LRP1B: variants seen among roughly 807,000 people sequenced by gnomAD.
The protein encoded by LRP1B is LDL receptor related protein 1B.
LRP1B carries 217 observed loss-of-function variants against 556.6 expected under a neutral mutation model. That is an observed-to-expected ratio of 0.39 (90% confidence interval 0.35 to 0.44). The LOEUF (loss-of-function observed/expected upper bound fraction) is 0.44. Among genes scored for constraint, LRP1B ranks in the 20% least tolerant of loss-of-function variants. LRP1B has a pLI of 1.00. For synonymous variants in LRP1B, 2,047 were observed against 1,865.8 expected (o/e 1.10, Z -2.50); for missense variants, 5,053 against 5,620.8 (o/e 0.90, Z 3.23).
At chr2:140,285,316 TACAC>T (rs138851624) in intron 84 of LRP1B, among the ~76,000 whole-genome samples, 6,098 of 124,700 alleles carry the variant, frequency 0.049, 209 homozygotes, top group African/African-American at 0.1. Flanking sequence ...TATATATACA[TACAC>T]ACACATATAC....
chr2:141,090,160 T>C (rs893282611), intron 7 of LRP1B, among the ~76,000 whole-genome samples: 2 of 152,226 alleles, frequency 1.3e-5, no homozygotes, highest in Non-Finnish European at 2.9e-5. Flanking sequence ...TTGATTTGCA[T>C]ATACGTTTCA....
chr2:141,037,312 A>C (rs1192663995), intron 11 of LRP1B, among the ~76,000 whole-genome samples: 2 of 152,012 alleles, frequency 1.3e-5, no homozygotes, highest in Non-Finnish European at 2.9e-5. Context: ...ACACTAATAA[A>C]CTGACAATAA....
intron 7 of LRP1B, among the ~76,000 whole-genome samples, chr2:141,127,899 G>A (rs180748605): frequency 6.6e-6 from 1 of 152,240 alleles, no homozygotes; most frequent in East Asian, 1.9e-4. Flanking sequence ...TTCAAAGCAT[G>A]TCCCTTGACT....
At chr2:141,831,314 T>C (rs1697105232) in intron 1 of LRP1B, among the ~76,000 whole-genome samples, 1 of 151,768 alleles carries the variant, frequency 6.6e-6, no homozygotes, top group Non-Finnish European at 1.5e-5. Flanking sequence ...CAGATCTTTG[T>C]TGTAGACATA....
rs573207064 is a variant in LRP1B at position 141,487,083 on chromosome 2, T to G, written c.206-6550A>C. On this transcript the variant is annotated intron_variant, in intron 2 of 90. Coordinates refer to ENST00000389484, the MANE Select transcript of LRP1B (RefSeq NM_018557.3). ...CCTCACAGCGTTCCATGGACATGCTTGGACACATTTCACACATGCTTTTTC... is the reference window on the plus strand; with the variant it reads ...CCTCACAGCGTTCCATGGACATGCTGGGACACATTTCACACATGCTTTTTC... 3.3e-5 allele frequency among the ~76,000 whole-genome samples: 5 copies of G among 152,274 alleles called. No individual in the cohort carries two copies. In the South Asian group the frequency reaches 1.0e-3, roughly 32 times the overall value.
chr2:140,655,069 G>T (rs1408584556), intron 41 of LRP1B, among the ~76,000 whole-genome samples: 1 of 146,408 alleles, frequency 6.8e-6, no homozygotes, highest in Non-Finnish European at 1.5e-5. Flanking sequence ...CTAAAAATTG[G>T]AATATATGTG....
At chr2:140,818,585 C>T (rs1398482641) in intron 31 of LRP1B, among the ~76,000 whole-genome samples, 1 of 152,120 alleles carries the variant, frequency 6.6e-6, no homozygotes, top group African/African-American at 2.4e-5. Flanking sequence ...CACTATTAGG[C>T]TATCTCAAGA....
intron 2 of LRP1B, among the ~76,000 whole-genome samples, chr2:141,724,062 A>G (rs559794390): frequency 1.3e-5 from 2 of 152,054 alleles, no homozygotes; most frequent in Admixed American, 1.3e-4. Flanking sequence ...TGTACCAGAT[A>G]AGAAAGAAAA....
chr2:140,306,276 C>T (rs1425018760), intron 83 of LRP1B, among the ~76,000 whole-genome samples: 1 of 151,960 alleles, frequency 6.6e-6, no homozygotes, highest in Non-Finnish European at 1.5e-5. Context: ...GTGAATCTGT[C>T]TGGTCCTGTA....
chr2:140,294,280 G>A lies in LRP1B; in HGVS notation c.12967+3528C>T, dbSNP rs559453507. Among the ~76,000 whole-genome samples the A allele has an allele frequency of 1.3e-4, 20 of 152,258 alleles. No homozygotes were observed. The South Asian group carries it at 3.5e-3, about 27-fold the overall frequency. On this transcript the variant is annotated intron_variant, in intron 84 of 90. Coordinates refer to ENST00000389484, the MANE Select transcript of LRP1B (RefSeq NM_018557.3). ...AACCACATACAGTTACAAGATCATT[G>A]AACACTGATTAAATGTAATTTTACA...
At chr2:141,893,892 C>T (rs781476888) in intron 1 of LRP1B, among the ~76,000 whole-genome samples, 53 of 152,114 alleles carry the variant, frequency 3.5e-4, no homozygotes, top group Middle Eastern at 6.8e-3. Context: ...TTAAAAATCC[C>T]GCCTTTCTCT....
At chr2:141,759,291 A>C (rs1332313810) in intron 2 of LRP1B, among the ~76,000 whole-genome samples, 1 of 152,176 alleles carries the variant, frequency 6.6e-6, no homozygotes, top group Admixed American at 6.5e-5. Context: ...GATAGAACTC[A>C]TTTGCCCTGA....
At chr2:141,850,248 C>T (rs943263582) in intron 1 of LRP1B, among the ~76,000 whole-genome samples, 4 of 151,410 alleles carry the variant, frequency 2.6e-5, no homozygotes, top group African/African-American at 7.3e-5. Context: ...CCCCATGGTC[C>T]CTAATAAAAA....
At chr2:141,590,495 T>C (rs1397188316) in intron 2 of LRP1B, among the ~76,000 whole-genome samples, 1 of 152,128 alleles carries the variant, frequency 6.6e-6, no homozygotes, top group Non-Finnish European at 1.5e-5. Context: ...CTTCAAACAT[T>C]TATGGCCTAA....
At chr2:141,052,292 A>C (rs1041685051) in intron 10 of LRP1B, among the ~76,000 whole-genome samples, 1 of 151,930 alleles carries the variant, frequency 6.6e-6, no homozygotes, top group Non-Finnish European at 1.5e-5. Flanking sequence ...AATCATTAAC[A>C]TTTCTAGAGT....
intron 1 of LRP1B, among the ~76,000 whole-genome samples, chr2:141,881,515 T>C (rs1698957170): frequency 6.6e-6 from 1 of 152,068 alleles, no homozygotes; most frequent in South Asian, 2.1e-4. Context: ...AGGCATGGAG[T>C]TTGGGAAAAA....
At chr2:141,621,177 A>G (rs920444179) in intron 2 of LRP1B, among the ~76,000 whole-genome samples, 13 of 152,198 alleles carry the variant, frequency 8.5e-5, no homozygotes, top group African/African-American at 2.9e-4. Flanking sequence ...TATGCCTATA[A>G]TACTTTATAA....
intron 43 of LRP1B, among the ~76,000 whole-genome samples, chr2:140,597,487 A>T (rs1431511667): frequency 2.6e-5 from 4 of 152,162 alleles, no homozygotes; most frequent in African/African-American, 7.2e-5. Context: ...AGCATTATAT[A>T]CTAGGTTTAT....
intron 2 of LRP1B, among the ~76,000 whole-genome samples, chr2:141,596,806 A>C (rs1053017463): frequency 6.6e-6 from 1 of 152,034 alleles, no homozygotes; most frequent in Non-Finnish European, 1.5e-5. Flanking sequence ...GTTCATAATA[A>C]GGTAACAGGA....
Sources: gnomAD v4.1 joint callset for allele counts (sites outside exome capture counted in the v4.1 genomes callset) on GRCh38, gnomAD v4.1.1 for gene constraint, MANE v1.5 for transcripts, NCBI Gene and HGNC (gene_info 2026-07-23, HGNC 2026-07-21) for gene names.